Variants in RUFY1 observed in about 807,000 individuals in gnomAD.
The protein encoded by RUFY1 is RUN and FYVE domain-containing protein 1.
Under a neutral mutation model 94.6 loss-of-function variants are expected in RUFY1, and 54 were observed. The observed-to-expected ratio is 0.57, with a 90% CI of 0.46 to 0.72. RUFY1 has a LOEUF of 0.72. Among genes scored for constraint, RUFY1 ranks in the 30% least tolerant of loss-of-function variants. RUFY1 has a pLI of 0.00. For missense variants in RUFY1, 883 were observed against 883.9 expected (o/e 1.00, Z 0.01); for synonymous variants, 396 against 347.3 (o/e 1.14, Z -1.56).
At chr5:179,559,120 G>T (rs755031773) in intron 1 of RUFY1, among the ~76,000 whole-genome samples, 1 of 152,240 alleles carries the variant, frequency 6.6e-6, no homozygotes, top group African/African-American at 2.4e-5. Flanking sequence ...GCGCGCCCGG[G>T]TGAGGGCCGC....
intron 10 of RUFY1, 70 bp downstream of exon 10, chr5:179,591,811 T>C (rs958860143): frequency 6.5e-6 from 6 of 927,052 alleles, no homozygotes; most frequent in Non-Finnish European, 9.8e-6. Context: ...ACACTTTTCA[T>C]AGACATGCTT....
Position 179,560,096 on chromosome 5 carries a change from C to A in RUFY1, c.382C>A (p.Leu128Ile), listed in dbSNP as rs1398953930. The A allele has an allele frequency of 1.2e-6, 2 of 1,613,952 alleles. No individual in the cohort carries two copies. The highest frequency in any genetic ancestry group is 1.3e-5 in the African/African-American group (1 of 74,942). The change falls in exon 2 of 18, where the codon CTC becomes ATC. Residue 128 changes from leucine to isoleucine, a missense_variant. Leu to Ile is a conservative substitution (Grantham distance 5, BLOSUM62 2). Transcript: ENST00000319449. The stretch of plus-strand genomic sequence containing the variant: ...GATGAAACTCAGCATCAAGGTGTTG[C>A]TCCAGTCGGCTCTGAGCCTGGGCCG... ...HMMKLSIKVL[L>I]QSALSLGRSL...
rs767266475 is a variant in RUFY1, at chr5:179,586,498, G to T, written c.1026+633G>T. 8.2e-4 allele frequency: 373 copies of T among 454,212 alleles called. 3 individuals are homozygous for T. The highest frequency in any genetic ancestry group is 1.1e-3 in the South Asian group (71 of 64,444). The allele number at this position is 454,212 out of a possible 1,614,324, so 28.1% of individuals were successfully genotyped here. A position where few individuals can be genotyped will look rare whatever the true frequency, so the allele number is the denominator to read the frequency against. On this transcript the variant is annotated intron_variant, in intron 8 of 17. Transcript: ENST00000319449. ...CAGGTAGCAGTCCCCGGCTGCCCAG[G>T]CCTCCCACCTAGAAGGACAAGGGCT...
At chr5:179,582,025 G>C (rs142004966) in intron 7 of RUFY1, among the ~76,000 whole-genome samples, 1 of 152,108 alleles carries the variant, frequency 6.6e-6, no homozygotes, top group African/African-American at 2.4e-5. Context: ...TTTTTTGAAA[G>C]AGTTTTTTGG....
chr5:179,585,725 A>C lies in RUFY1; in HGVS notation c.957-71A>C, dbSNP rs1177713886. 2.7e-6 allele frequency: 3 copies of C among 1,123,902 alleles called. No homozygotes were observed. In the African/African-American group the frequency reaches 4.7e-5, roughly 17 times the overall value. The allele number at this position is 1,123,902 out of a possible 1,614,324, so 69.6% of individuals were successfully genotyped here. A position where few individuals can be genotyped will look rare whatever the true frequency, so the allele number is the denominator to read the frequency against. ...TACAGGAAATCTAGGAATCTCTCTTACTGTTTACAGATTGAGAAAACAGTC... is the reference window on the plus strand; with the variant it reads ...TACAGGAAATCTAGGAATCTCTCTTCCTGTTTACAGATTGAGAAAACAGTC... On this transcript the variant is annotated intron_variant, in intron 7 of 17. Coordinates refer to ENST00000319449, the MANE Select transcript of RUFY1 (RefSeq NM_025158.5).
chr5:179,550,943 C>T (rs1190715332), intron 1 of RUFY1, 64 bp downstream of exon 1: 3 of 1,018,168 alleles, frequency 2.9e-6, no homozygotes, highest in African/African-American at 3.5e-5. Context: ...CCGGCGCGGG[C>T]GCGGTGGGGG....
chr5:179,569,386 T>A lies in RUFY1; in HGVS notation c.789T>A (p.Asp263Glu). The A allele has an allele frequency of 6.2e-7, 1 of 1,613,670 alleles. No individual in the cohort carries two copies. The highest frequency in any genetic ancestry group is 1.6e-4 in the Middle Eastern group (1 of 6,062). The change falls in exon 5 of 18, where the codon GAT becomes GAA. Residue 263 changes from aspartate (D) to glutamate (E), a missense_variant. Asp to Glu is a conservative substitution (Grantham distance 45). Coordinates refer to ENST00000319449, the MANE Select transcript of RUFY1 (RefSeq NM_025158.5). ...VGLLVGLNVLDANLCLKGEDL... is the reference protein window; with the variant it reads ...VGLLVGLNVLEANLCLKGEDL... ...TGCTGGTGGGACTCAATGTTCTCGA[T>A]GCCAATCTCTGCTTGAAAGGAGAAG...
In RUFY1 at chr5:179,557,852, GTTTTTGATTAC is replaced by G. The variant is rs1372329708; in HGVS notation, c.311-2170_311-2160del. 5.3e-5 allele frequency among the ~76,000 whole-genome samples: 8 copies of G among 152,192 alleles called. No homozygotes were observed. In the East Asian group the frequency reaches 1.5e-3, roughly 29 times the overall value. ...AAAGCAGTAAAAGGCTGGTCTTCAT[GTTTTTGATTAC>G]TTAATCATCAAGGGCGACACCACCT... On this transcript the variant is annotated intron_variant, in intron 1 of 17. Transcript: ENST00000319449.
intron 14 of RUFY1, among the ~76,000 whole-genome samples, chr5:179,601,146 C>T (rs1422757526): frequency 6.6e-6 from 1 of 151,918 alleles, no homozygotes; most frequent in Non-Finnish European, 1.5e-5. Flanking sequence ...GACATTAATA[C>T]AGGACTGCAT....
At chr5:179,604,853 G>A (rs180735851) in intron 15 of RUFY1, among the ~76,000 whole-genome samples, 2 of 151,654 alleles carry the variant, frequency 1.3e-5, no homozygotes, top group South Asian at 2.1e-4. Context: ...GTGTGGTGTC[G>A]GGCGCCTGTC....
Position 179,569,775 on chromosome 5 carries a change from C to T in RUFY1, c.828+350C>T, listed in dbSNP as rs112945024. 5.1e-3 allele frequency among the ~76,000 whole-genome samples: 780 copies of T among 152,114 alleles called. 11 individuals carry two copies. Among genetic ancestry groups the T allele is most frequent in the African/African-American group, 0.018 (750 of 41,542 alleles). On this transcript the variant is annotated intron_variant, in intron 5 of 17. Transcript: ENST00000319449. ...TGTTGTTTTTTTTGAGACGGAGTCT[C>T]GTTGTGTCTCCCAGGCTGGAGTGCA... is the stretch of plus-strand genomic sequence containing the variant.
At chr5:179,579,575 A>G (rs968997313) in intron 6 of RUFY1, among the ~76,000 whole-genome samples, 2 of 149,104 alleles carry the variant, frequency 1.3e-5, no homozygotes, top group Non-Finnish European at 3.0e-5. Context: ...CAACTGATCC[A>G]TCTGCCTCAG....
In RUFY1 at chr5:179,584,255, TC is replaced by T. The variant is rs149441491; in HGVS notation, c.957-1536del. 2.4e-3 allele frequency among the ~76,000 whole-genome samples: 367 copies of T among 152,258 alleles called. 2 individuals are homozygous for T. Among genetic ancestry groups the T allele is most frequent in the African/African-American group, 8.4e-3 (350 of 41,556 alleles). On this transcript the variant is annotated intron_variant, in intron 7 of 17. Coordinates refer to ENST00000319449, the MANE Select transcript of RUFY1 (RefSeq NM_025158.5). ...TAGCCTTGCTAAGTTTATTTCTTTG[TC>T]CCCCACTCACTGGCAACAGGGACTG... is the stretch of plus-strand genomic sequence containing the variant.
chr5:179,605,836 C>CT (rs749620737), intron 15 of RUFY1, 40 bp from the exon 16 acceptor site: 909 of 1,383,734 alleles, frequency 6.6e-4, no homozygotes, highest in Non-Finnish European at 7.0e-4. Context: ...GAGCCTCACT[C>CT]TCTCTCACTG....
intron 3 of RUFY1, among the ~76,000 whole-genome samples, chr5:179,565,091 T>C (rs1411399253): frequency 6.6e-6 from 1 of 151,336 alleles, no homozygotes; most frequent in Non-Finnish European, 1.5e-5. Context: ...ACTATATTAG[T>C]GTATAGGGGA....
intron 1 of RUFY1, among the ~76,000 whole-genome samples, chr5:179,554,543 AAAAAG>A (rs746468392): frequency 5.7e-4 from 87 of 152,270 alleles, no homozygotes; most frequent in Non-Finnish European, 7.9e-4. Flanking sequence ...TCTCAAAAAA[AAAAAG>A]AAAAGAAAAG....
In RUFY1 at chr5:179,607,646, T is replaced by C; in HGVS notation, c.1970T>C (p.Ile657Thr). ...AGGCAGTGTGAGAAGGAGTTCTCCA[T>C]TTCCCGGAGAAAGGTACGTGGGGGC... ...HCRQCEKEFS[I>T]SRRKHHCRNC... is the part of the protein sequence containing the mutation. Residue 657 changes from isoleucine to threonine, a missense_variant, in exon 17 of 18, where the codon ATT (isoleucine) becomes ACT (threonine). Coordinates refer to ENST00000319449, the MANE Select transcript of RUFY1 (RefSeq NM_025158.5). 1 of 1,614,036 alleles carries C rather than the reference T, an allele frequency of 6.2e-7. No individual in the cohort carries two copies. The highest frequency in any genetic ancestry group is 8.5e-7 in the Non-Finnish European group (1 of 1,179,888).
At chr5:179,580,241 G>GTGTGTGTGTGTGTGTGTGTATATATATA (rs149099074) in intron 6 of RUFY1, among the ~76,000 whole-genome samples, 1 of 93,852 alleles carries the variant, frequency 1.1e-5, no homozygotes, top group African/African-American at 3.5e-5. Context: ...GTGTGTGTGT[G>GTGTGTGTGTGTGTGTGTGTATATATATA]TATATTTTTT....
intron 4 of RUFY1, among the ~76,000 whole-genome samples, chr5:179,568,724 A>G (rs1417273433): frequency 6.6e-6 from 1 of 152,230 alleles, no homozygotes; most frequent in Non-Finnish European, 1.5e-5. Context: ...TCTTAAGAGA[A>G]AAGTCTTATA....
Sources: gnomAD v4.1 joint callset for allele counts (sites outside exome capture counted in the v4.1 genomes callset) on GRCh38, gnomAD v4.1.1 for gene constraint, MANE v1.5 for transcripts, NCBI Gene and HGNC (gene_info 2026-07-23, HGNC 2026-07-21) for gene names.